FRYL: variants seen among roughly 807,000 people sequenced by gnomAD.
The protein encoded by FRYL is FRY like transcription coactivator, also known as protein furry homolog-like.
Under a neutral mutation model 351.2 loss-of-function variants are expected in FRYL, and 150 were observed. That is an observed-to-expected ratio of 0.43 (90% CI 0.37 to 0.49). FRYL has a LOEUF of 0.49. FRYL is among the 20% of genes least tolerant of loss of function. The probability of loss-of-function intolerance (pLI) is 0.00; values close to 1 mark genes in which losing one functional copy is unlikely to be tolerated. For missense variants in FRYL, 3,036 were observed against 3,619.3 expected, an observed-to-expected ratio of 0.84 and a Z score of 4.13; for synonymous variants, 1,153 against 1,257.1, an observed-to-expected ratio of 0.92 and a Z score of 1.75.
chr4:48,508,367 T>TTGAG (rs1330999208), intron 59 of FRYL, among the ~76,000 whole-genome samples: 1 of 152,232 alleles, frequency 6.6e-6, no homozygotes, highest in African/African-American at 2.4e-5. Context: ...CTTTACCATA[T>TTGAG]TGAGTCTTCT....
intron 41 of FRYL, chr4:48,546,578 A>C (rs995189302): frequency 4.7e-5 from 14 of 295,380 alleles, no homozygotes; most frequent in Non-Finnish European, 8.9e-5. Context: ...TTTTGTCAAC[A>C]TCGCTTGTCA....
At chr4:48,757,956 G>C (rs1578944024) in intron 1 of FRYL, among the ~76,000 whole-genome samples, 1 of 152,228 alleles carries the variant, frequency 6.6e-6, no homozygotes, top group Non-Finnish European at 1.5e-5. Flanking sequence ...TCTGATCTTT[G>C]ACAAACCTGA....
At chr4:48,563,860 T>C in intron 31 of FRYL, 88 bp downstream of exon 31, 1 of 1,400,460 alleles carries the variant, frequency 7.1e-7, no homozygotes, top group East Asian at 2.4e-5. Flanking sequence ...ACAACTAAAC[T>C]GGTGTCTTCC....
At position 48,756,091 on chromosome 4, in the gene FRYL, T is replaced by C. The variant is rs556294800; in HGVS notation, c.-384+23987A>G. 6.3e-4 allele frequency among the ~76,000 whole-genome samples: 95 copies of C among 151,836 alleles called. 1 individual carries two copies. Among genetic ancestry groups the C allele is most frequent in the Non-Finnish European group, 1.1e-3 (75 of 67,908 alleles). ...TCTATAAAAAATGAAAAATTAGCCATGCGTGGTGGCACATGCCTGTAGTCC... is the reference window on the plus strand; with the variant it reads ...TCTATAAAAAATGAAAAATTAGCCACGCGTGGTGGCACATGCCTGTAGTCC... On this transcript the variant is annotated intron_variant, in intron 1 of 63. Transcript: ENST00000358350.
At chr4:48,521,596 C>T (rs1447636519) in intron 54 of FRYL, among the ~76,000 whole-genome samples, 4 of 152,326 alleles carry the variant, frequency 2.6e-5, no homozygotes, top group Middle Eastern at 6.8e-3. Flanking sequence ...TGATTCACAT[C>T]TACTTACTAG....
chr4:48,741,884 T>C (rs367784412), intron 1 of FRYL, among the ~76,000 whole-genome samples: 1 of 152,122 alleles, frequency 6.6e-6, no homozygotes, highest in Non-Finnish European at 1.5e-5. Context: ...GATAAACAGG[T>C]GGAGCACAGG....
chr4:48,647,312 A>G (rs1172104353), intron 3 of FRYL, among the ~76,000 whole-genome samples: 1 of 152,162 alleles, frequency 6.6e-6, no homozygotes, highest in Non-Finnish European at 1.5e-5. Flanking sequence ...TGAGTACTAC[A>G]GCAGGTACAG....
intron 3 of FRYL, among the ~76,000 whole-genome samples, chr4:48,657,345 TTTC>T (rs1759423717): frequency 7.4e-6 from 1 of 134,666 alleles, no homozygotes; most frequent in Non-Finnish European, 1.6e-5. Context: ...TGATTTTTCT[TTTC>T]TTTTCTTTTT....
At chr4:48,736,018 C>T (rs2149636429) in intron 1 of FRYL, among the ~76,000 whole-genome samples, 1 of 148,806 alleles carries the variant, frequency 6.7e-6, no homozygotes, top group Admixed American at 6.7e-5. Context: ...ACAATATCTG[C>T]TCTCAGACCA....
chr4:48,709,300 A>G (rs1276633772), intron 2 of FRYL, among the ~76,000 whole-genome samples: 1 of 152,208 alleles, frequency 6.6e-6, no homozygotes, highest in Non-Finnish European at 1.5e-5. Context: ...AATTGCTAAC[A>G]TGAAAATAAT....
chr4:48,701,891 T>C (rs1166600776), intron 2 of FRYL, among the ~76,000 whole-genome samples: 1 of 152,224 alleles, frequency 6.6e-6, no homozygotes, highest in Non-Finnish European at 1.5e-5. Flanking sequence ...AATATCGTCA[T>C]ACTGTCTTAT....
At chr4:48,533,894 A>G (rs1254641202) in intron 49 of FRYL, among the ~76,000 whole-genome samples, 1 of 152,218 alleles carries the variant, frequency 6.6e-6, no homozygotes, top group East Asian at 1.9e-4. Flanking sequence ...ATGCCCACTA[A>G]GTAGAATCTC....
chr4:48,681,114 T>G, intron 3 of FRYL: 2 of 1,244,848 alleles, frequency 1.6e-6, no homozygotes, highest in Non-Finnish European at 1.0e-6. Flanking sequence ...CAACTCTCTT[T>G]AAAAAATCCA....
chr4:48,692,398 C>CT lies in FRYL; in HGVS notation c.-203-7604dup, dbSNP rs537839806. Among the ~76,000 whole-genome samples, 591 of 146,400 alleles carry CT rather than the reference C, an allele frequency of 4.0e-3. 2 individuals carry two copies. Among genetic ancestry groups the CT allele is most frequent in the African/African-American group, 0.01 (420 of 40,178 alleles). ...AACTCAAGCCTTAGTTTCTTTCTAT[C>CT]TTTTTTTTTTTTGAGACAGAGTTTC... is the stretch of plus-strand genomic sequence containing the variant. On this transcript the variant is annotated intron_variant, in intron 2 of 63. Transcript: ENST00000358350.
At chr4:48,612,313 C>A (rs759699241) in intron 7 of FRYL, among the ~76,000 whole-genome samples, 3 of 152,024 alleles carry the variant, frequency 2.0e-5, no homozygotes, top group Non-Finnish European at 4.4e-5. Context: ...CGTAATAAAC[C>A]TTTTGACCCT....
intron 1 of FRYL, among the ~76,000 whole-genome samples, chr4:48,726,981 G>C (rs1770156551): frequency 6.6e-6 from 1 of 152,124 alleles, no homozygotes; most frequent in Non-Finnish European, 1.5e-5. Flanking sequence ...AAGAAAATCT[G>C]ACAGGGGCAG....
rs747342052 is a variant in FRYL at position 48,562,914 on chromosome 4, T to C, written c.3671A>G (p.Tyr1224Cys). The C allele has an allele frequency of 1.1e-5, 17 of 1,603,260 alleles. No individual in the cohort carries two copies. In the Admixed American group the frequency reaches 1.4e-4, roughly 13 times the overall value. The change falls in exon 32 of 64, where the codon TAT becomes TGT. Residue 1224 changes from tyrosine to cysteine, a missense_variant. Physicochemically the swap from Tyr to Cys is radical, Grantham distance 194. Transcript: ENST00000358350. ...CTGTAAAAGTTGCATAGCAACTTCATAGATACTTCTAGAAGAATCAGCTGC... is the reference window on the plus strand; with the variant it reads ...CTGTAAAAGTTGCATAGCAACTTCACAGATACTTCTAGAAGAATCAGCTGC... Reference protein sequence around the residue: ...FKAADSSRSIYEVAMQLLQIL... With the variant: ...FKAADSSRSICEVAMQLLQIL...
At chr4:48,610,439 T>G (rs934072675) in intron 7 of FRYL, among the ~76,000 whole-genome samples, 5 of 151,736 alleles carry the variant, frequency 3.3e-5, no homozygotes, top group African/African-American at 1.2e-4. Flanking sequence ...CCTTCCAGAC[T>G]TTTTCCTACA....
intron 35 of FRYL, among the ~76,000 whole-genome samples, chr4:48,555,786 T>C (rs1349885997): frequency 6.6e-6 from 1 of 152,254 alleles, no homozygotes; most frequent in Non-Finnish European, 1.5e-5. Flanking sequence ...GTGGTACACC[T>C]TGGCAATGAT....
Sources: gnomAD v4.1 joint callset for allele counts (sites outside exome capture counted in the v4.1 genomes callset) on GRCh38, gnomAD v4.1.1 for gene constraint, MANE v1.5 for transcripts, NCBI Gene and HGNC (gene_info 2026-07-23, HGNC 2026-07-21) for gene names.